The following SLC36A1 variants were observed in gnomAD, a reference collection of about 807,000 sequenced individuals.
SLC36A1 encodes the protein proton-coupled amino acid transporter 1.
A neutral mutation model predicts 47.5 loss-of-function variants in SLC36A1; 30 were observed. That is an observed-to-expected ratio of 0.63 (90% CI 0.47 to 0.86). The LOEUF (loss-of-function observed/expected upper bound fraction) is 0.86, where lower values mean the gene tolerates loss of function less well. Among genes scored for constraint, SLC36A1 ranks in the 40% least tolerant of loss-of-function variants. The probability of loss-of-function intolerance (pLI) is 0.00; values close to 1 mark genes in which losing one functional copy is unlikely to be tolerated. For synonymous variants in SLC36A1, 255 were observed against 249.7 expected, an observed-to-expected ratio of 1.02 and a Z score of -0.20; for missense variants, 517 against 606.0, an observed-to-expected ratio of 0.85 and a Z score of 1.54.
At chr5:151,467,980 G>A in intron 7 of SLC36A1, 55 bp downstream of exon 7, 1 of 1,505,414 alleles carries the variant, frequency 6.6e-7, no homozygotes, top group Non-Finnish European at 9.2e-7. Flanking sequence ...AAAAAGCCAG[G>A]CGTGGTAGCT....
the SLC36A1 span, among the ~76,000 whole-genome samples, chr5:151,356,254 G>A: frequency 2.0e-5 from 3 of 147,228 alleles, no homozygotes; most frequent in East Asian, 2.0e-4. Context: ...CAGGAGAATC[G>A]CTTGAACCTG....
the SLC36A1 span, among the ~76,000 whole-genome samples, chr5:151,527,823 C>G: frequency 8.5e-5 from 13 of 152,276 alleles, 1 homozygote; most frequent in South Asian, 2.7e-3. Flanking sequence ...CCTCTCCTGC[C>G]TCTGGCCTCA....
the SLC36A1 span, chr5:151,528,083 G>C: frequency 6.2e-7 from 1 of 1,614,196 alleles, no homozygotes. Flanking sequence ...CTCCTATGAG[G>C]CTATAGGTAA....
chr5:151,422,728 A>G, the SLC36A1 span, among the ~76,000 whole-genome samples: 1 of 151,974 alleles, frequency 6.6e-6, no homozygotes, highest in East Asian at 1.9e-4. Flanking sequence ...ACTCCATCTA[A>G]AAATAATAAT....
the SLC36A1 span, among the ~76,000 whole-genome samples, chr5:151,532,391 ACACACACACACAC>A: frequency 9.8e-4 from 4 of 4,078 alleles, no homozygotes; most frequent in African/African-American, 0.024. Context: ...GTGTACAAAC[ACACACACACACAC>A]ACACACACAC....
intron 1 of SLC36A1, among the ~76,000 whole-genome samples, chr5:151,458,332 A>ATATACAC (rs1561738077): frequency 9.2e-6 from 1 of 108,374 alleles, no homozygotes; most frequent in African/African-American, 3.3e-5. Context: ...ATATATATAT[A>ATATACAC]TGGGATATTT....
At chr5:151,499,144 G>C in the SLC36A1 span, among the ~76,000 whole-genome samples, 1 of 152,226 alleles carries the variant, frequency 6.6e-6, no homozygotes, top group Non-Finnish European at 1.5e-5. Context: ...ATCTAACCAG[G>C]CACCTTTCTT....
At chr5:151,475,675 A>G (rs1404268921) in intron 8 of SLC36A1, among the ~76,000 whole-genome samples, 1 of 152,218 alleles carries the variant, frequency 6.6e-6, no homozygotes, top group Non-Finnish European at 1.5e-5. Context: ...GGTGGGGGAC[A>G]CTGGGGGCCC....
chr5:151,426,887 C>T, the SLC36A1 span, among the ~76,000 whole-genome samples: 7 of 152,162 alleles, frequency 4.6e-5, no homozygotes, highest in Admixed American at 1.3e-4. Flanking sequence ...TGGAGAATGG[C>T]GATGACTTTT....
intron 7 of SLC36A1, among the ~76,000 whole-genome samples, chr5:151,469,006 A>C (rs1334718559): frequency 6.6e-6 from 1 of 152,110 alleles, no homozygotes; most frequent in Non-Finnish European, 1.5e-5. Flanking sequence ...GCCCTTAAAC[A>C]CTATGGCTGT....
At chr5:151,354,525 A>C in the SLC36A1 span, among the ~76,000 whole-genome samples, 3 of 152,180 alleles carry the variant, frequency 2.0e-5, no homozygotes, top group African/African-American at 7.2e-5. Flanking sequence ...CAATGAGCTA[A>C]AATGGTTTTA....
chr5:151,400,354 C>T, the SLC36A1 span, among the ~76,000 whole-genome samples: 5 of 152,218 alleles, frequency 3.3e-5, no homozygotes, highest in East Asian at 5.8e-4. Flanking sequence ...TTTTTATGGC[C>T]GCATAGTATT....
chr5:151,438,999 T>C (rs1752462274), intron 1 of SLC36A1, among the ~76,000 whole-genome samples: 1 of 152,192 alleles, frequency 6.6e-6, no homozygotes, highest in South Asian at 2.1e-4. Context: ...CGAGGCTGGA[T>C]CATTTATGAA....
chr5:151,463,365 G>C (rs1755847029), intron 2 of SLC36A1, among the ~76,000 whole-genome samples, 188 bp from the exon 3 acceptor site: 1 of 152,224 alleles, frequency 6.6e-6, no homozygotes, highest in Non-Finnish European at 1.5e-5. Context: ...GAGTCAGACT[G>C]CCCAAATTTG....
chr5:151,400,637 T>A, the SLC36A1 span, among the ~76,000 whole-genome samples: 1 of 152,220 alleles, frequency 6.6e-6, no homozygotes, highest in South Asian at 2.1e-4. Flanking sequence ...TGTATAAGTA[T>A]CCCCTTTTCT....
downstream of SLC36A1, among the ~76,000 whole-genome samples, chr5:151,496,315 ACTGTAAATCGAATTAAAC>A (rs913634563): frequency 2.6e-5 from 4 of 152,196 alleles, no homozygotes; most frequent in African/African-American, 9.6e-5. Flanking sequence ...GCTATGTGGA[ACTGTAAATCGAATTAAAC>A]CTCTTTCTTT....
At chr5:151,544,001 G>A in the SLC36A1 span, 3 of 1,614,146 alleles carry the variant, frequency 1.9e-6, no homozygotes, top group South Asian at 2.2e-5. Flanking sequence ...AACTCTGGGG[G>A]GTTGTCATTG....
chr5:151,480,078 A>G, intron 10 of SLC36A1: 2 of 1,506,134 alleles, frequency 1.3e-6, no homozygotes, highest in Non-Finnish European at 1.8e-6. Context: ...AAAAGACAGG[A>G]TACCCTTCTG....
the SLC36A1 span, among the ~76,000 whole-genome samples, chr5:151,498,420 T>G: frequency 7.2e-3 from 1,091 of 152,298 alleles, 7 homozygotes; most frequent in Non-Finnish European, 0.012. Context: ...CCTTTAATAC[T>G]CAAATCCAGT....
Sources: gnomAD v4.1 joint callset for allele counts (sites outside exome capture counted in the v4.1 genomes callset) on GRCh38, gnomAD v4.1.1 for gene constraint, MANE v1.5 for transcripts, NCBI Gene and HGNC (gene_info 2026-07-23, HGNC 2026-07-21) for gene names.